The following ZNF831 variants were observed in gnomAD, a reference collection of about 807,000 sequenced individuals.
ZNF831 encodes zinc finger protein 831, also known as chromosome 20 open reading frame 174.
Under a neutral mutation model 95.8 loss-of-function variants are expected in ZNF831, and 59 were observed. That is an observed-to-expected ratio of 0.62 (90% CI 0.50 to 0.77). The LOEUF is 0.77. Ranked by LOEUF, ZNF831 falls within the 30% of genes least tolerant of loss-of-function variation. The pLI is 0.00. For missense variants in ZNF831, 2,205 were observed against 2,164.0 expected (o/e 1.02, Z -0.38); for synonymous variants, 961 against 925.5 (o/e 1.04, Z -0.70).
intron 4 of ZNF831, among the ~76,000 whole-genome samples, chr20:59,234,124 T>C (rs1389663657): frequency 6.6e-6 from 1 of 152,172 alleles, no homozygotes; most frequent in Non-Finnish European, 1.5e-5. Flanking sequence ...TGTTGGCAGG[T>C]GGGGCTTGTC....
chr20:59,128,805 A>G (rs1461709178), intron 1 of ZNF831, among the ~76,000 whole-genome samples: 2 of 152,240 alleles, frequency 1.3e-5, no homozygotes, highest in Admixed American at 6.5e-5. Context: ...TCTGTCCCCC[A>G]GGCTGGAGTG....
chr20:59,150,822 G>A (rs541347481), intron 2 of ZNF831, among the ~76,000 whole-genome samples: 6 of 152,306 alleles, frequency 3.9e-5, no homozygotes, highest in Non-Finnish European at 7.4e-5. Flanking sequence ...GCACCCGAAC[G>A]CTCAGTCAGC....
intron 1 of ZNF831, among the ~76,000 whole-genome samples, chr20:59,166,533 G>A (rs1292310064): frequency 6.6e-6 from 1 of 152,080 alleles, no homozygotes; most frequent in African/African-American, 2.4e-5. Context: ...GTCACCGCAA[G>A]GATGCGTCGT....
At chr20:59,165,081 T>C (rs1028823433) in intron 1 of ZNF831, among the ~76,000 whole-genome samples, 2 of 152,156 alleles carry the variant, frequency 1.3e-5, no homozygotes, top group African/African-American at 2.4e-5. Flanking sequence ...AGAGAACACT[T>C]AGGTTCTGTG....
intron 1 of ZNF831, among the ~76,000 whole-genome samples, chr20:59,177,116 T>G (rs1253758841): frequency 6.6e-6 from 1 of 152,216 alleles, no homozygotes; most frequent in East Asian, 1.9e-4. Context: ...CCTTGTCTTC[T>G]GTCCAGCAAT....
At chr20:59,244,282 A>AT (rs1362675613) in intron 4 of ZNF831, among the ~76,000 whole-genome samples, 1 of 152,094 alleles carries the variant, frequency 6.6e-6, no homozygotes, top group African/African-American at 2.4e-5. Context: ...GAAAAAATAT[A>AT]TTTTTCTCTT....
chr20:59,129,575 A>G (rs895654343), intron 1 of ZNF831, among the ~76,000 whole-genome samples: 4 of 152,330 alleles, frequency 2.6e-5, no homozygotes, highest in African/African-American at 9.6e-5. Flanking sequence ...GTGAGCCGAG[A>G]TCACGCCACT....
chr20:59,130,262 C>A (rs1008884933), intron 1 of ZNF831, among the ~76,000 whole-genome samples: 2 of 152,116 alleles, frequency 1.3e-5, no homozygotes, highest in South Asian at 2.1e-4. Context: ...GCATTTAAGC[C>A]GGGCCTGGAA....
At chr20:59,206,782 G>A (rs971176187) in intron 3 of ZNF831, 123 bp from the exon 4 acceptor site, 5 of 1,069,142 alleles carry the variant, frequency 4.7e-6, no homozygotes, top group Non-Finnish European at 6.9e-6. Flanking sequence ...GTTGCTCAGA[G>A]CTGACCAGCT....
chr20:59,233,821 G>C (rs1021475206), intron 4 of ZNF831, among the ~76,000 whole-genome samples: 1 of 152,174 alleles, frequency 6.6e-6, no homozygotes, highest in South Asian at 2.1e-4. Flanking sequence ...GGGGATCAGA[G>C]CTAACAACTC....
Position 59,253,084 on chromosome 20 carries a change from C to G in ZNF831, c.4134C>G (p.Leu1378=). The change falls in exon 5 of 6, where the codon CTC becomes CTG. Residue 1378 remains leucine, a synonymous_variant. Coordinates refer to ENST00000371030, the MANE Select transcript of ZNF831 (RefSeq NM_178457.3). ...EGDCRQTLGT[L]SLGTSSRIVR... is the part of the protein sequence containing the mutation. ...ACTGCAGACAAACCTTAGGAACCCT[C>G]TCTCTTGGTACAAGTTCAAGAATTG... is the stretch of plus-strand genomic sequence containing the variant. 6.2e-7 allele frequency: 1 copy of G among 1,614,160 alleles called. No homozygotes were observed. The highest frequency in any genetic ancestry group is 1.1e-5 in the South Asian group (1 of 91,076).
chr20:59,220,969 A>G (rs1389806936), intron 4 of ZNF831, among the ~76,000 whole-genome samples: 1 of 152,208 alleles, frequency 6.6e-6, no homozygotes, highest in African/African-American at 2.4e-5. Flanking sequence ...TTCTGAGTCC[A>G]TAATTCATTT....
chr20:59,183,843 G>A (rs1982807556), intron 1 of ZNF831, among the ~76,000 whole-genome samples: 1 of 152,194 alleles, frequency 6.6e-6, no homozygotes, highest in Non-Finnish European at 1.5e-5. Context: ...CCTGTTGTGA[G>A]CATCTTGCAA....
Position 59,206,922 on chromosome 20 carries a change from T to G in ZNF831, c.3893T>G (p.Leu1298Trp), listed in dbSNP as rs758996127. The change falls in exon 4 of 6, where the codon TTG becomes TGG. Residue 1298 changes from leucine to tryptophan, a missense_variant. Transcript: ENST00000371030. Reference sequence around the variant, plus strand: ...TTCTACAGGTACAAAGGGAATTTCTTGCAGAGCTGTGTTCAGCTGAGAGCC... The same window carrying G: ...TTCTACAGGTACAAAGGGAATTTCTGGCAGAGCTGTGTTCAGCTGAGAGCC... ...INPKRYKGNFLQSCVQLRASR... is the reference protein window; with the variant it reads ...INPKRYKGNFWQSCVQLRASR... 6.2e-7 allele frequency: 1 copy of G among 1,614,030 alleles called. No individual in the cohort carries two copies. Among genetic ancestry groups the G allele is most frequent in the Admixed American group, 1.7e-5 (1 of 59,978 alleles).
chr20:59,234,048 A>G (rs759980736), intron 4 of ZNF831, among the ~76,000 whole-genome samples: 13 of 152,190 alleles, frequency 8.5e-5, no homozygotes, highest in Non-Finnish European at 1.9e-4. Context: ...TTCTAAGAAG[A>G]GAAGTCAGCC....
chr20:59,223,721 G>A (rs919304591), intron 4 of ZNF831, among the ~76,000 whole-genome samples: 2 of 152,230 alleles, frequency 1.3e-5, no homozygotes, highest in African/African-American at 4.8e-5. Flanking sequence ...CTGTTGTGTG[G>A]TGAGGCCAGC....
intron 1 of ZNF831, among the ~76,000 whole-genome samples, chr20:59,171,345 T>A (rs576565321): frequency 6.0e-4 from 92 of 152,270 alleles, no homozygotes; most frequent in Non-Finnish European, 1.2e-3. Flanking sequence ...CAGCATGTAT[T>A]GAATGGCATT....
chr20:59,124,253 G>A (rs571523944), intron 1 of ZNF831, among the ~76,000 whole-genome samples: 139 of 152,172 alleles, frequency 9.1e-4, no homozygotes, highest in African/African-American at 3.2e-3. Flanking sequence ...CATTCCTCAG[G>A]CCCCATTGCC....
intron 3 of ZNF831, among the ~76,000 whole-genome samples, chr20:59,198,155 G>A (rs1013348152): frequency 2.0e-5 from 3 of 152,180 alleles, no homozygotes; most frequent in Admixed American, 2.0e-4. Flanking sequence ...GAGGGTCCCA[G>A]ACTGGAGCCC....
Sources: gnomAD v4.1 joint callset for allele counts (sites outside exome capture counted in the v4.1 genomes callset) on GRCh38, gnomAD v4.1.1 for gene constraint, MANE v1.5 for transcripts, NCBI Gene and HGNC (gene_info 2026-07-23, HGNC 2026-07-21) for gene names.